The following EXOC4 variants were observed in gnomAD, a reference collection of about 807,000 sequenced individuals.
The protein encoded by EXOC4 is exocyst complex component 4, also known as SEC8-like 1.
In EXOC4, 71 loss-of-function variants were observed where a neutral mutation model predicts 107.2. The observed-to-expected ratio is 0.66, with a 90% confidence interval of 0.55 to 0.81. The LOEUF is 0.81. Among genes scored for constraint, EXOC4 ranks in the 30% least tolerant of loss-of-function variants. The probability of loss-of-function intolerance (pLI) is 0.00; values close to 1 mark genes in which losing one functional copy is unlikely to be tolerated. For synonymous variants in EXOC4, 456 were observed against 441.2 expected (o/e 1.03, Z -0.42); for missense variants, 1,108 against 1,189.6 (o/e 0.93, Z 1.01).
chr7:133,989,674 C>T (rs953914668), intron 14 of EXOC4, among the ~76,000 whole-genome samples: 8 of 152,158 alleles, frequency 5.3e-5, no homozygotes, highest in African/African-American at 1.9e-4. Flanking sequence ...TTGGCAATTA[C>T]AGTATCATTG....
chr7:133,776,118 G>A (rs1367916701), intron 10 of EXOC4, among the ~76,000 whole-genome samples: 2 of 152,142 alleles, frequency 1.3e-5, no homozygotes, highest in Non-Finnish European at 2.9e-5. Flanking sequence ...GGGACTTCAA[G>A]TTGCAAGCAT....
chr7:133,882,951 G>A (rs80178856), intron 11 of EXOC4, among the ~76,000 whole-genome samples: 1,777 of 152,210 alleles, frequency 0.012, 38 homozygotes, highest in African/African-American at 0.04. Flanking sequence ...TCTGAAGTGC[G>A]TAAATCTTAA....
chr7:133,268,777 A>G (rs1793797075), intron 1 of EXOC4, among the ~76,000 whole-genome samples: 1 of 152,146 alleles, frequency 6.6e-6, no homozygotes, highest in South Asian at 2.1e-4. Context: ...TTCCTACTAG[A>G]TGTTGTTAAC....
Position 133,420,132 on chromosome 7 carries a change from C to T in EXOC4, c.1182+45130C>T, listed in dbSNP as rs572489773. On this transcript the variant is annotated intron_variant, in intron 7 of 17. Coordinates refer to ENST00000253861, the MANE Select transcript of EXOC4 (RefSeq NM_021807.4). ...CTATCCCTCCCCCCTCCCCCCACCC[C>T]ACCACAGTCCCCAGAGTGTGATATT... Among the ~76,000 whole-genome samples, 7 of 132,244 alleles carry T rather than the reference C, an allele frequency of 5.3e-5. No homozygotes were observed. In the East Asian group the frequency reaches 1.6e-3, roughly 30 times the overall value. The allele number at this position is 132,244 out of a possible 152,430, so 86.8% of individuals were successfully genotyped here.
intron 10 of EXOC4, among the ~76,000 whole-genome samples, chr7:133,741,028 G>GT (rs1795553065): frequency 1.3e-5 from 2 of 152,228 alleles, no homozygotes; most frequent in South Asian, 4.1e-4. Flanking sequence ...CACATACAGG[G>GT]TAAATACTGG....
At chr7:133,929,167 G>A (rs902060608) in intron 13 of EXOC4, among the ~76,000 whole-genome samples, 2 of 151,988 alleles carry the variant, frequency 1.3e-5, no homozygotes, top group East Asian at 1.9e-4. Context: ...TCCTGACTTC[G>A]TGATCTATTC....
intron 14 of EXOC4, among the ~76,000 whole-genome samples, chr7:133,990,510 C>T (rs984804262): frequency 4.6e-5 from 7 of 152,102 alleles, no homozygotes; most frequent in African/African-American, 9.7e-5. Flanking sequence ...AGTGCAGTGG[C>T]GCAATCTCGG....
intron 7 of EXOC4, among the ~76,000 whole-genome samples, chr7:133,388,628 T>A (rs1796782955): frequency 6.6e-6 from 1 of 152,130 alleles, no homozygotes; most frequent in South Asian, 2.1e-4. Flanking sequence ...CTAGCATGGG[T>A]GACAGAGTGA....
intron 6 of EXOC4, among the ~76,000 whole-genome samples, chr7:133,362,444 G>T (rs990289135): frequency 6.6e-6 from 1 of 152,122 alleles, no homozygotes; most frequent in African/African-American, 2.4e-5. Context: ...TTATCATATG[G>T]TGATGGTTCT....
At chr7:134,011,327 G>A (rs753950102) in intron 17 of EXOC4, among the ~76,000 whole-genome samples, 3 of 152,054 alleles carry the variant, frequency 2.0e-5, no homozygotes, top group Non-Finnish European at 2.9e-5. Context: ...CTTGAGTGAC[G>A]CCATTGTTCA....
intron 9 of EXOC4, among the ~76,000 whole-genome samples, chr7:133,619,522 A>G (rs55633941): frequency 0.14 from 20,604 of 152,196 alleles, 1,528 homozygotes; most frequent in East Asian, 0.25. Context: ...TCAGAAATCT[A>G]CTGCCCAACT....
rs372422213 is a variant in EXOC4, at chr7:133,317,957, C to T, written c.763+567C>T. On this transcript the variant is annotated intron_variant, in intron 5 of 17. Transcript: ENST00000253861. ...ACAGGCGTGAGCCACCACACCCGGG[C>T]GACCAGCACTGTTTTTCTAAAGTTG... Among the ~76,000 whole-genome samples the T allele has an allele frequency of 1.2e-4, 18 of 151,998 alleles. No individual in the cohort carries two copies. In the East Asian group the frequency reaches 2.9e-3, roughly 25 times the overall value.
intron 9 of EXOC4, among the ~76,000 whole-genome samples, chr7:133,497,419 T>G (rs922392744): frequency 2.6e-5 from 4 of 151,592 alleles, no homozygotes; most frequent in Non-Finnish European, 5.9e-5. Flanking sequence ...ATTCCAACTC[T>G]CTGTCAGTGT....
At position 134,001,472 on chromosome 7, in the gene EXOC4, CTTT is replaced by C. The variant is rs61593512; in HGVS notation, c.2349-3430_2349-3428del. On this transcript the variant is annotated intron_variant, in intron 15 of 17. Transcript: ENST00000253861. ...CATTCGCTGATGACTATTTTAATTT[CTTT>C]TTTTTTTTTAATCTCTAATCACTTG... is the stretch of plus-strand genomic sequence containing the variant. 1.9e-3 allele frequency among the ~76,000 whole-genome samples: 282 copies of C among 150,912 alleles called. 1 individual carries two copies. The highest frequency in any genetic ancestry group is 5.9e-3 in the African/African-American group (243 of 41,294).
intron 17 of EXOC4, among the ~76,000 whole-genome samples, chr7:134,061,139 G>A (rs1388165202): frequency 2.6e-5 from 4 of 152,266 alleles, no homozygotes; most frequent in Middle Eastern, 3.4e-3. Flanking sequence ...TGCTCCCAGC[G>A]TGGAACAATG....
At chr7:133,446,490 C>T (rs968632573) in intron 7 of EXOC4, among the ~76,000 whole-genome samples, 1 of 152,126 alleles carries the variant, frequency 6.6e-6, no homozygotes, top group African/African-American at 2.4e-5. Flanking sequence ...TGAAAACATG[C>T]CAGCTTATAA....
intron 10 of EXOC4, among the ~76,000 whole-genome samples, chr7:133,661,704 CAAG>C (rs1317336397): frequency 1.2e-4 from 8 of 64,600 alleles, no homozygotes; most frequent in Non-Finnish European, 2.2e-4. Flanking sequence ...AAAAAAAAAA[CAAG>C]AATTTTGATC....
chr7:134,069,690 T>C (rs1437692514), downstream of EXOC4, among the ~76,000 whole-genome samples: 2 of 152,154 alleles, frequency 1.3e-5, no homozygotes, highest in South Asian at 2.1e-4. Flanking sequence ...GATTTCACCA[T>C]GTTGGCCAGG....
At chr7:133,406,285 T>C (rs532233677) in intron 7 of EXOC4, among the ~76,000 whole-genome samples, 2 of 152,306 alleles carry the variant, frequency 1.3e-5, no homozygotes, top group East Asian at 3.9e-4. Context: ...ACTACATCCA[T>C]GGGCGATTGT....
Sources: gnomAD v4.1 joint callset for allele counts (sites outside exome capture counted in the v4.1 genomes callset) on GRCh38, gnomAD v4.1.1 for gene constraint, MANE v1.5 for transcripts, NCBI Gene and HGNC (gene_info 2026-07-23, HGNC 2026-07-21) for gene names.